The following MICU2 variants were observed in gnomAD, a reference collection of about 807,000 sequenced individuals.
The protein encoded by MICU2 is mitochondrial calcium uptake 2.
MICU2 carries 64 observed loss-of-function variants against 60.4 expected under a neutral mutation model. The ratio of observed to expected loss-of-function variants is 1.06; its 90% CI spans 0.87 to 1.31. The LOEUF (loss-of-function observed/expected upper bound fraction) is 1.31. Among genes scored for constraint, MICU2 ranks in the 50% most tolerant of loss-of-function variants. The probability of loss-of-function intolerance (pLI) is 0.00; values close to 1 mark genes in which losing one functional copy is unlikely to be tolerated. For synonymous variants in MICU2, 201 were observed against 175.0 expected (o/e 1.15, Z -1.17); for missense variants, 569 against 531.0 (o/e 1.07, Z -0.70).
At chr13:21,598,443 C>T (rs374996843) in intron 1 of MICU2, among the ~76,000 whole-genome samples, 6 of 152,076 alleles carry the variant, frequency 3.9e-5, no homozygotes, top group South Asian at 2.1e-4. Context: ...GTGCCAGGTG[C>T]GGTGGCTCAC....
intron 2 of MICU2, among the ~76,000 whole-genome samples, chr13:21,539,922 C>G (rs1008551294): frequency 6.6e-6 from 1 of 152,206 alleles, no homozygotes; most frequent in Non-Finnish European, 1.5e-5. Flanking sequence ...TTCACTCACC[C>G]TATTTCATAC....
chr13:21,561,731 T>G (rs1306567296), intron 2 of MICU2, among the ~76,000 whole-genome samples: 1 of 149,508 alleles, frequency 6.7e-6, no homozygotes, highest in Non-Finnish European at 1.5e-5. Context: ...ATTATTATTA[T>G]ACTTTTAAGT....
intron 2 of MICU2, among the ~76,000 whole-genome samples, chr13:21,557,172 G>T (rs1173924275): frequency 6.6e-6 from 1 of 152,076 alleles, no homozygotes; most frequent in Non-Finnish European, 1.5e-5. Flanking sequence ...GGCAGGGTGG[G>T]GACAACAGTA....
At chr13:21,552,078 C>A (rs1311014654) in intron 2 of MICU2, among the ~76,000 whole-genome samples, 1 of 152,094 alleles carries the variant, frequency 6.6e-6, no homozygotes, top group East Asian at 1.9e-4. Flanking sequence ...TATTTCTCCA[C>A]ATCCTCTCCA....
intron 2 of MICU2, among the ~76,000 whole-genome samples, chr13:21,561,690 CT>C (rs34858728): frequency 0.43 from 57,419 of 134,934 alleles, 12,592 homozygotes; most frequent in African/African-American, 0.54. Context: ...AAGTGGGTTT[CT>C]TTTTTTTTTT....
At chr13:21,601,887 C>G (rs545106052) in intron 1 of MICU2, among the ~76,000 whole-genome samples, 13 of 151,912 alleles carry the variant, frequency 8.6e-5, no homozygotes, top group Admixed American at 7.9e-4. Flanking sequence ...AGGCGGATCA[C>G]GAGGTCAGGA....
chr13:21,552,205 T>C (rs996794516), intron 2 of MICU2, among the ~76,000 whole-genome samples: 3 of 152,230 alleles, frequency 2.0e-5, no homozygotes, highest in African/African-American at 7.2e-5. Flanking sequence ...CATTTTTTCA[T>C]GTGTTTTTTG....
At chr13:21,550,390 T>C (rs1887526765) in intron 2 of MICU2, among the ~76,000 whole-genome samples, 1 of 152,092 alleles carries the variant, frequency 6.6e-6, no homozygotes, top group Admixed American at 6.5e-5. Flanking sequence ...ATTAAAAAAT[T>C]AGCTGAGTAC....
chr13:21,584,688 C>T (rs1321933498), intron 1 of MICU2, among the ~76,000 whole-genome samples: 3 of 151,978 alleles, frequency 2.0e-5, no homozygotes, highest in Admixed American at 1.3e-4. Context: ...ATTACTTATA[C>T]TCTGAAAACA....
chr13:21,496,469 G>T (rs952262254), intron 9 of MICU2: 8 of 292,914 alleles, frequency 2.7e-5, no homozygotes, highest in Non-Finnish European at 5.1e-5. Context: ...TGCCCAGCCT[G>T]TGGTGTTTTG....
intron 2 of MICU2, among the ~76,000 whole-genome samples, chr13:21,556,414 C>T (rs1887710549): frequency 6.6e-6 from 1 of 152,214 alleles, no homozygotes; most frequent in Admixed American, 6.6e-5. Context: ...TAACTCACCA[C>T]TCAGTCCTTT....
rs1342794451 is a variant in MICU2, at chr13:21,597,741, C to G, written c.210+6198G>C. 2.0e-5 allele frequency among the ~76,000 whole-genome samples: 3 copies of G among 151,934 alleles called. No individual in the cohort carries two copies. In the South Asian group the frequency reaches 6.2e-4, roughly 32 times the overall value. On this transcript the variant is annotated intron_variant, in intron 1 of 11. Transcript: ENST00000382374. ...GGTCAGGAGATTGAGACCATCCTGG[C>G]TAACACGGTGAAACCCCGTCTCTAC...
At chr13:21,601,591 C>T (rs569291666) in intron 1 of MICU2, among the ~76,000 whole-genome samples, 1 of 150,600 alleles carries the variant, frequency 6.6e-6, no homozygotes, top group African/African-American at 2.5e-5. Flanking sequence ...CTTTTAGAAT[C>T]AAGTCAGGGA....
chr13:21,507,566 G>C (rs1886319090), intron 8 of MICU2, among the ~76,000 whole-genome samples: 1 of 151,892 alleles, frequency 6.6e-6, no homozygotes, highest in Non-Finnish European at 1.5e-5. Flanking sequence ...AGGTAAACTG[G>C]GATTAGTGGG....
At chr13:21,557,981 AC>A (rs949054756) in intron 2 of MICU2, among the ~76,000 whole-genome samples, 3 of 152,128 alleles carry the variant, frequency 2.0e-5, no homozygotes, top group African/African-American at 7.2e-5. Flanking sequence ...AGTTTCTGTT[AC>A]CTGCTTTTGT....
intron 2 of MICU2, among the ~76,000 whole-genome samples, chr13:21,554,097 C>G (rs1485634583): frequency 2.0e-5 from 3 of 152,040 alleles, no homozygotes; most frequent in Non-Finnish European, 4.4e-5. Context: ...ACTTTAACAC[C>G]CCACTGTCAA....
chr13:21,498,299 C>G (rs757361152), intron 9 of MICU2, among the ~76,000 whole-genome samples: 1 of 150,560 alleles, frequency 6.6e-6, no homozygotes, highest in African/African-American at 2.4e-5. Flanking sequence ...TTCTTCCACT[C>G]TGATTCCCAG....
At chr13:21,523,703 T>C (rs972423484) in intron 4 of MICU2, among the ~76,000 whole-genome samples, 30 of 152,194 alleles carry the variant, frequency 2.0e-4, no homozygotes, top group African/African-American at 7.2e-4. Context: ...AATAAGGAGG[T>C]TGCACTAGTC....
intron 8 of MICU2, among the ~76,000 whole-genome samples, chr13:21,506,797 C>T (rs59143085): frequency 0.011 from 1,713 of 152,296 alleles, 19 homozygotes; most frequent in Middle Eastern, 0.051. Context: ...AGGGACCTTG[C>T]TCTTCTAGCG....
Sources: allele counts gnomAD v4.1 joint callset (sites outside exome capture counted in the v4.1 genomes callset), GRCh38; gene constraint gnomAD v4.1.1; transcripts MANE v1.5; gene names NCBI Gene and HGNC (gene_info 2026-07-23, HGNC 2026-07-21).